DSCAM: variants seen among roughly 807,000 people sequenced by gnomAD.
DSCAM encodes the protein cell adhesion molecule DSCAM.
DSCAM carries 47 observed loss-of-function variants against 217.7 expected under a neutral mutation model. That is an observed-to-expected ratio of 0.22 (90% CI 0.17 to 0.28). DSCAM has a LOEUF of 0.28. Among genes scored for constraint, DSCAM ranks in the 10% least tolerant of loss-of-function variants. DSCAM has a pLI of 1.00. For missense variants in DSCAM, 2,080 were observed against 2,618.3 expected, an observed-to-expected ratio of 0.79 and a Z score of 4.49; for synonymous variants, 1,056 against 1,015.3, an observed-to-expected ratio of 1.04 and a Z score of -0.76.
chr21:40,204,790 C>T (rs546398557), intron 11 of DSCAM, among the ~76,000 whole-genome samples: 18 of 152,276 alleles, frequency 1.2e-4, no homozygotes, highest in Middle Eastern at 3.4e-3. Context: ...TCCTAGCTTT[C>T]GAGTAAATGC....
Position 40,757,103 on chromosome 21 carries a change from C to A in DSCAM, c.44-48332G>T, listed in dbSNP as rs554886008. ...GCAGTGGCATGATCTCGGCTCACTG[C>A]AAGCTCCACCTCCGGGGTTCACACC... On this transcript the variant is annotated intron_variant, in intron 1 of 32. Coordinates refer to ENST00000400454, the MANE Select transcript of DSCAM (RefSeq NM_001389.5). 2.0e-5 allele frequency among the ~76,000 whole-genome samples: 3 copies of A among 152,216 alleles called. No individual in the cohort carries two copies. The South Asian group carries it at 6.2e-4, about 32-fold the overall frequency.
intron 11 of DSCAM, among the ~76,000 whole-genome samples, chr21:40,263,929 T>C (rs2073487585): frequency 6.6e-6 from 1 of 152,062 alleles, no homozygotes; most frequent in Non-Finnish European, 1.5e-5. Flanking sequence ...AACACCACTC[T>C]GGACACAAAC....
In DSCAM at chr21:40,800,710, ACTTT is replaced by A. The variant is rs1312095186; in HGVS notation, c.43+45905_43+45908del. Among the ~76,000 whole-genome samples the A allele has an allele frequency of 5.0e-3, 707 of 141,382 alleles. 10 individuals are homozygous for A. Among genetic ancestry groups the A allele is most frequent in the African/African-American group, 0.018 (644 of 36,678 alleles). The allele number at this position is 141,382 out of a possible 152,430, so 92.8% of individuals were successfully genotyped here. ...AGGCATTTCTTCTTTCTTCTTTCTTACTTTCTTTTTTTTTTTTTTTTTTTAAACG... is the reference window on the plus strand; with the variant it reads ...AGGCATTTCTTCTTTCTTCTTTCTTACTTTTTTTTTTTTTTTTTTTAAACG... On this transcript the variant is annotated intron_variant, in intron 1 of 32. Transcript: ENST00000400454.
intron 8 of DSCAM, among the ~76,000 whole-genome samples, chr21:40,331,163 G>T (rs997847986): frequency 2.0e-5 from 3 of 152,212 alleles, no homozygotes; most frequent in Non-Finnish European, 2.9e-5. Context: ...GAAAGTGGAA[G>T]AAAGTGACAG....
intron 3 of DSCAM, among the ~76,000 whole-genome samples, chr21:40,486,151 AC>A (rs1229179370): frequency 6.6e-6 from 1 of 152,186 alleles, no homozygotes; most frequent in Non-Finnish European, 1.5e-5. Flanking sequence ...ATAAGGAGAG[AC>A]CCCTATCCAC....
At chr21:40,502,327 T>C (rs1481123033) in intron 3 of DSCAM, among the ~76,000 whole-genome samples, 3 of 152,198 alleles carry the variant, frequency 2.0e-5, no homozygotes, top group Non-Finnish European at 4.4e-5. Context: ...GAACATATCA[T>C]ACATCATGGA....
chr21:40,415,116 G>A (rs2075358665), intron 3 of DSCAM, among the ~76,000 whole-genome samples: 2 of 152,060 alleles, frequency 1.3e-5, no homozygotes, highest in Non-Finnish European at 2.9e-5. Flanking sequence ...CACATGTTAG[G>A]TACTCAATAG....
intron 3 of DSCAM, among the ~76,000 whole-genome samples, chr21:40,495,910 A>G (rs1181331253): frequency 6.6e-6 from 1 of 152,218 alleles, no homozygotes; most frequent in Non-Finnish European, 1.5e-5. Context: ...AAAGTTATCA[A>G]GAAAATAGTC....
intron 14 of DSCAM, among the ~76,000 whole-genome samples, chr21:40,183,499 T>C (rs1381553691): frequency 1.3e-5 from 2 of 152,150 alleles, no homozygotes; most frequent in Non-Finnish European, 2.9e-5. Flanking sequence ...TGACAGGAGA[T>C]ACAATAACAA....
At chr21:40,654,192 T>C (rs1239702105) in intron 3 of DSCAM, among the ~76,000 whole-genome samples, 1 of 152,234 alleles carries the variant, frequency 6.6e-6, no homozygotes, top group Non-Finnish European at 1.5e-5. Context: ...ACGATATTAC[T>C]GTCTGGTAAA....
At chr21:40,469,626 T>G (rs1232387134) in intron 3 of DSCAM, among the ~76,000 whole-genome samples, 4 of 152,162 alleles carry the variant, frequency 2.6e-5, no homozygotes, top group Non-Finnish European at 5.9e-5. Flanking sequence ...TTAACTAAAA[T>G]GTAAGACATA....
intron 11 of DSCAM, among the ~76,000 whole-genome samples, chr21:40,236,865 G>A (rs1026272668): frequency 6.6e-6 from 1 of 152,134 alleles, no homozygotes; most frequent in Non-Finnish European, 1.5e-5. Context: ...ATGTCACCAG[G>A]CAAGGCACAT....
intron 2 of DSCAM, among the ~76,000 whole-genome samples, chr21:40,697,408 C>A (rs962461378): frequency 6.6e-6 from 1 of 152,110 alleles, no homozygotes; most frequent in African/African-American, 2.4e-5. Flanking sequence ...AAATCTTTGC[C>A]CAGACTAATT....
intron 3 of DSCAM, among the ~76,000 whole-genome samples, chr21:40,441,725 C>T (rs2075632032): frequency 6.6e-6 from 1 of 152,046 alleles, no homozygotes; most frequent in African/African-American, 2.4e-5. Context: ...CTGGATGAAC[C>T]CCAGACTTAT....
In DSCAM at chr21:40,011,115, TC is replaced by T. The variant is rs2088050104; in HGVS notation, c.*1918del. 1 of 151,878 alleles carries T rather than the reference TC, an allele frequency of 6.6e-6. No homozygotes were observed. The highest frequency in any genetic ancestry group is 2.4e-5 in the African/African-American group (1 of 41,288). The allele number at this position is 151,878 out of a possible 1,614,324, so 9.4% of individuals were successfully genotyped here. On this transcript the variant is annotated 3_prime_UTR_variant, in exon 33 of 33. Coordinates refer to ENST00000400454, the MANE Select transcript of DSCAM (RefSeq NM_001389.5). Reference sequence around the variant, plus strand: ...GATGAAAGATAGACTTTTAATTTTTTCCCCCAGAAAGTAACATTTCTTTTGC... The same window carrying T: ...GATGAAAGATAGACTTTTAATTTTTTCCCCAGAAAGTAACATTTCTTTTGC...
In DSCAM at chr21:40,044,143, G is replaced by C. The variant is rs767371034; in HGVS notation, c.5318C>G (p.Pro1773Arg). ...TTTGTCTACTGATCCTGCAGCCCTG[G>C]GTGTTGGCAGCCTCCAGTCTGTGGT... is the stretch of plus-strand genomic sequence containing the variant. ...TLTTDWRLPT[P>R]RAAGSVDKES... Residue 1773 changes from proline (P) to arginine (R), a missense_variant, in exon 31 of 33, where the codon CCC becomes CGC. Physicochemically the swap from Pro to Arg is moderately radical, Grantham distance 103. This residue lies in a region of DSCAM where 1,144 missense variants were observed against 1,421.1 expected (regional missense o/e 0.81). Transcript: ENST00000400454. 1.9e-6 allele frequency: 3 copies of C among 1,613,998 alleles called. No individual in the cohort carries two copies. In the African/African-American group the frequency reaches 4.0e-5, roughly 22 times the overall value.
At chr21:40,550,925 C>T (rs2076624731) in intron 3 of DSCAM, among the ~76,000 whole-genome samples, 1 of 152,212 alleles carries the variant, frequency 6.6e-6, no homozygotes, top group Non-Finnish European at 1.5e-5. Flanking sequence ...TTGGCTGAAA[C>T]TGGGATGCTG....
chr21:40,377,877 G>A lies in DSCAM; in HGVS notation c.509-8632C>T, dbSNP rs573237872. Among the ~76,000 whole-genome samples, 5 of 152,278 alleles carry A rather than the reference G, an allele frequency of 3.3e-5. 1 individual carries two copies. The South Asian group carries it at 1.0e-3, about 32-fold the overall frequency. On this transcript the variant is annotated intron_variant, in intron 3 of 32. Coordinates refer to ENST00000400454, the MANE Select transcript of DSCAM (RefSeq NM_001389.5). ...TGCCTTCCTATTGCCATAGCCTTGAGTACATATACAACCTGTACAAAGGGG... is the reference window on the plus strand; with the variant it reads ...TGCCTTCCTATTGCCATAGCCTTGAATACATATACAACCTGTACAAAGGGG...
chr21:40,043,525 A>C (rs2088792179), intron 31 of DSCAM, among the ~76,000 whole-genome samples: 1 of 152,232 alleles, frequency 6.6e-6, no homozygotes, highest in Non-Finnish European at 1.5e-5. Context: ...GGTGGTGGGC[A>C]ACCCGGTGCT....
Sources: gnomAD v4.1 joint callset for allele counts (sites outside exome capture counted in the v4.1 genomes callset) on GRCh38, gnomAD v4.1.1 for gene constraint, gnomAD v4.1.1 regional missense constraint, MANE v1.5 for transcripts, NCBI Gene and HGNC (gene_info 2026-07-23, HGNC 2026-07-21) for gene names.